WWOX: variants seen among roughly 807,000 people sequenced by gnomAD.
The protein encoded by WWOX is WW domain containing oxidoreductase.
A neutral mutation model predicts 46.2 loss-of-function variants in WWOX; 69 were observed. The ratio of observed to expected loss-of-function variants is 1.49; its 90% confidence interval spans 1.23 to 1.82. The LOEUF (loss-of-function observed/expected upper bound fraction) is 1.82, where lower values mean the gene tolerates loss of function less well. Among genes scored for constraint, WWOX ranks in the 40% most tolerant of loss-of-function variants. The pLI is 0.00. For synonymous variants in WWOX, 359 were observed against 202.6 expected, an observed-to-expected ratio of 1.77 and a Z score of -6.56; for missense variants, 919 against 542.6, an observed-to-expected ratio of 1.69 and a Z score of -6.89.
At chr16:78,407,119 C>G (rs138105527) in intron 6 of WWOX, among the ~76,000 whole-genome samples, 6 of 152,134 alleles carry the variant, frequency 3.9e-5, no homozygotes, top group Non-Finnish European at 8.8e-5. Flanking sequence ...TTTCATGAAA[C>G]CAGCTCTAGC....
chr16:78,636,868 A>T (rs1398983589), intron 8 of WWOX, among the ~76,000 whole-genome samples: 1 of 152,170 alleles, frequency 6.6e-6, no homozygotes, highest in East Asian at 1.9e-4. Flanking sequence ...GAGCTGCATC[A>T]TTTAAAGACC....
intron 8 of WWOX, among the ~76,000 whole-genome samples, chr16:79,108,087 T>C (rs887378066): frequency 3.3e-5 from 5 of 152,190 alleles, no homozygotes; most frequent in Admixed American, 2.6e-4. Context: ...ATTATCAGGA[T>C]TTTCTACAAT....
At chr16:79,100,799 A>C (rs186545809) in intron 8 of WWOX, among the ~76,000 whole-genome samples, 137 of 152,132 alleles carry the variant, frequency 9.0e-4, no homozygotes, top group Middle Eastern at 3.4e-3. Flanking sequence ...TGGAACATAC[A>C]ATGCATTTTC....
chr16:78,960,098 A>C (rs1567439624), intron 8 of WWOX, among the ~76,000 whole-genome samples: 1 of 152,132 alleles, frequency 6.6e-6, no homozygotes, highest in Non-Finnish European at 1.5e-5. Flanking sequence ...ATTGTCAAAG[A>C]GTGAGGGATA....
intron 8 of WWOX, among the ~76,000 whole-genome samples, chr16:78,785,541 G>A (rs574517995): frequency 6.6e-6 from 1 of 152,076 alleles, no homozygotes. Flanking sequence ...AATATGGGTA[G>A]CATATAATTT....
intron 8 of WWOX, among the ~76,000 whole-genome samples, chr16:78,926,435 C>G (rs1597160094): frequency 6.6e-6 from 1 of 151,712 alleles, no homozygotes; most frequent in Non-Finnish European, 1.5e-5. Flanking sequence ...ATGTAACTGT[C>G]TATAATTTCT....
At chr16:78,357,909 T>C (rs2081331611) in intron 5 of WWOX, among the ~76,000 whole-genome samples, 1 of 152,234 alleles carries the variant, frequency 6.6e-6, no homozygotes. Context: ...GCCTGTTTTC[T>C]TGCCTAAGCG....
intron 8 of WWOX, among the ~76,000 whole-genome samples, chr16:78,573,296 A>C (rs547007559): frequency 1.3e-5 from 2 of 152,288 alleles, no homozygotes; most frequent in South Asian, 4.1e-4. Flanking sequence ...AAAACAAACA[A>C]ACAAAACAAA....
intron 1 of WWOX, 113 bp from the exon 2 acceptor site, chr16:78,108,310 C>A: frequency 9.5e-7 from 1 of 1,050,670 alleles, no homozygotes; most frequent in Non-Finnish European, 1.4e-6. Flanking sequence ...CCTTCTTCCC[C>A]CTACTTCCTT....
rs530508574 is a variant in WWOX at position 78,447,954 on chromosome 16, C to A, written c.1056+15202C>A. 3.9e-5 allele frequency among the ~76,000 whole-genome samples: 6 copies of A among 152,270 alleles called. No homozygotes were observed. In the East Asian group the frequency reaches 7.7e-4, roughly 20 times the overall value. Reference sequence around the variant, plus strand: ...AAGTAGCTGGGATTACAGGCACCCACCACTACATCCAGCTGACTTTTGTAT... The same window carrying A: ...AAGTAGCTGGGATTACAGGCACCCAACACTACATCCAGCTGACTTTTGTAT... On this transcript the variant is annotated intron_variant, in intron 8 of 8. Coordinates refer to ENST00000566780, the MANE Select transcript of WWOX (RefSeq NM_016373.4).
At chr16:78,834,410 T>C (rs969104741) in intron 8 of WWOX, among the ~76,000 whole-genome samples, 2 of 152,158 alleles carry the variant, frequency 1.3e-5, no homozygotes, top group African/African-American at 4.8e-5. Flanking sequence ...TGAATCTAGG[T>C]TTCTAGGTTT....
At chr16:78,898,200 C>G (rs1049039374) in intron 8 of WWOX, 19 of 151,892 alleles carry the variant, frequency 1.3e-4, no homozygotes, top group African/African-American at 4.6e-4. Flanking sequence ...CTTTCTTGTT[C>G]TAAGAACCTT....
chr16:78,771,227 C>A (rs1213670454), intron 8 of WWOX, among the ~76,000 whole-genome samples: 6 of 152,182 alleles, frequency 3.9e-5, no homozygotes, highest in Admixed American at 2.6e-4. Context: ...GAAAAGATCG[C>A]TCTGGCTGCT....
At chr16:78,618,246 C>T (rs1201754559) in intron 8 of WWOX, among the ~76,000 whole-genome samples, 9 of 152,190 alleles carry the variant, frequency 5.9e-5, no homozygotes, top group Admixed American at 6.5e-5. Flanking sequence ...AAAGCACTGA[C>T]GCAGTTCTCA....
At chr16:79,110,252 T>C (rs964533945) in intron 8 of WWOX, among the ~76,000 whole-genome samples, 1 of 152,182 alleles carries the variant, frequency 6.6e-6, no homozygotes. Context: ...GATAATTGGT[T>C]GCACCACTAG....
chr16:78,508,437 C>G (rs1307580228), intron 8 of WWOX, among the ~76,000 whole-genome samples: 1 of 150,074 alleles, frequency 6.7e-6, no homozygotes, highest in African/African-American at 2.5e-5. Flanking sequence ...AGATTGGACA[C>G]CTGTAAACAA....
intron 8 of WWOX, among the ~76,000 whole-genome samples, chr16:78,625,326 C>T (rs1279491562): frequency 1.3e-5 from 2 of 152,158 alleles, no homozygotes; most frequent in African/African-American, 4.8e-5. Flanking sequence ...TGGAGCCTCC[C>T]CATCCAAGGC....
At chr16:78,107,759 C>T (rs1285530210) in intron 1 of WWOX, among the ~76,000 whole-genome samples, 1 of 152,090 alleles carries the variant, frequency 6.6e-6, no homozygotes, top group African/African-American at 2.4e-5. Context: ...TACTTGAGTC[C>T]AGGAGTTCCA....
At position 78,381,481 on chromosome 16, in the gene WWOX, G is replaced by T. The variant is rs139011235; in HGVS notation, c.517-5379G>T. Reference sequence around the variant, plus strand: ...AGCCCTGGATGTTGGGAGCAAGTGGGCTTCTGAGCTACATAGAAGTTGCCT... The same window carrying T: ...AGCCCTGGATGTTGGGAGCAAGTGGTCTTCTGAGCTACATAGAAGTTGCCT... On this transcript the variant is annotated intron_variant, in intron 5 of 8. Transcript: ENST00000566780. Among the ~76,000 whole-genome samples, 320 of 152,330 alleles carry T rather than the reference G, an allele frequency of 2.1e-3. 2 individuals carry two copies. The highest frequency in any genetic ancestry group is 7.4e-3 in the African/African-American group (308 of 41,574).
Sources: allele counts gnomAD v4.1 joint callset (sites outside exome capture counted in the v4.1 genomes callset), GRCh38; gene constraint gnomAD v4.1.1; transcripts MANE v1.5; gene names NCBI Gene and HGNC (gene_info 2026-07-23, HGNC 2026-07-21).